Variants in TUBB1 observed in about 807,000 individuals in gnomAD.
TUBB1 encodes the protein tubulin beta 1 class VI.
A neutral mutation model predicts 22.6 loss-of-function variants in TUBB1; 28 were observed. The ratio of observed to expected loss-of-function variants is 1.24; its 90% CI spans 0.92 to 1.70. TUBB1 has a LOEUF of 1.70. Among genes scored for constraint, TUBB1 ranks in the 40% most tolerant of loss-of-function variants. The pLI is 0.00. For missense variants in TUBB1, 577 were observed against 605.5 expected (o/e 0.95, Z 0.49); for synonymous variants, 226 against 238.0 (o/e 0.95, Z 0.46).
At chr20:59,018,522 C>T (rs1568687887), upstream of TUBB1, among the ~76,000 whole-genome samples, 3 of 152,024 alleles carry the variant, frequency 2.0e-5, no homozygotes, top group Non-Finnish European at 4.4e-5. Flanking sequence ...ATTCTCCTGC[C>T]GCAGTCTCCC....
rs1417046885 is a variant in TUBB1, at chr20:59,024,123, C to T, written c.696C>T (p.Thr232=). ...ATCTCAACCACCTAGTGTCCTTGAC[C>T]ATGAGCGGCATAACCACCTCCCTCC... The part of the protein sequence containing the change: ...YGDLNHLVSL[T]MSGITTSLRF... The change falls in exon 4 of 4, where the codon ACC becomes ACT. Residue 232 remains threonine (T), a synonymous_variant. Coordinates refer to ENST00000217133, the MANE Select transcript of TUBB1 (RefSeq NM_030773.4). The surrounding 1 kb of genome is among the most constrained non-coding windows in gnomAD (Gnocchi z 4.9). The T allele has an allele frequency of 6.2e-7, 1 of 1,614,098 alleles. No homozygotes were observed. The highest frequency in any genetic ancestry group is 8.5e-7 in the Non-Finnish European group (1 of 1,180,044).
chr20:59,025,049 T>C lies in TUBB1; in HGVS notation c.*266T>C, dbSNP rs964282562. 6.1e-6 allele frequency: 3 copies of C among 494,880 alleles called. No individual in the cohort carries two copies. The highest frequency in any genetic ancestry group is 1.1e-5 in the Non-Finnish European group (3 of 270,866). 30.7% of individuals were successfully genotyped at this position (494,880 alleles called of 1,614,324 possible). On this transcript the variant is annotated 3_prime_UTR_variant, in exon 4 of 4. Coordinates refer to ENST00000217133, the MANE Select transcript of TUBB1 (RefSeq NM_030773.4). ...AAAAAATAGCAAATTTATTGTAAAG[T>C]GCTCCCTTTGTTTCAAAGTGTTTGC... is the stretch of plus-strand genomic sequence containing the variant.
Position 59,024,006 on chromosome 20 carries a change from T to A in TUBB1, c.579T>A (p.Ile193=). 6.2e-7 allele frequency: 1 copy of A among 1,614,190 alleles called. No homozygotes were observed. The highest frequency in any genetic ancestry group is 8.5e-7 in the Non-Finnish European group (1 of 1,180,052). ...YNAVLSIHQL[I]ENADACFCID... ...CGGTTCTGTCTATCCACCAGCTGATTGAGAATGCAGATGCCTGTTTCTGCA... is the reference window on the plus strand; with the variant it reads ...CGGTTCTGTCTATCCACCAGCTGATAGAGAATGCAGATGCCTGTTTCTGCA... Residue 193 remains isoleucine, a synonymous_variant, in exon 4 of 4, where the codon ATT becomes ATA. Transcript: ENST00000217133. The surrounding 1 kb of genome is among the most constrained non-coding windows in gnomAD (Gnocchi z 4.9).
chr20:59,020,586 G>A (rs753610804), intron 1 of TUBB1, among the ~76,000 whole-genome samples: 3 of 151,840 alleles, frequency 2.0e-5, no homozygotes, highest in African/African-American at 4.8e-5. Context: ...CTGTCACTAT[G>A]GTGTCTTTCC....
intron 1 of TUBB1, among the ~76,000 whole-genome samples, chr20:59,021,269 C>T (rs965714166): frequency 1.3e-5 from 2 of 152,166 alleles, no homozygotes; most frequent in Non-Finnish European, 2.9e-5. Flanking sequence ...ATCGTATGGT[C>T]TAGCGTTGAG....
Position 59,025,090 on chromosome 20 carries a change from C to T in TUBB1, c.*307C>T. The T allele has an allele frequency of 2.4e-6, 1 of 415,880 alleles. No homozygotes were observed. Among genetic ancestry groups the T allele is most frequent in the Non-Finnish European group, 4.5e-6 (1 of 221,258 alleles). The allele number at this position is 415,880 out of a possible 1,614,324, so 25.8% of individuals were successfully genotyped here. A position where few individuals can be genotyped will look rare whatever the true frequency, so the allele number is the denominator to read the frequency against. The stretch of plus-strand genomic sequence containing the variant: ...AAGTGTTTGCCAGGCATCCAGACTA[C>T]ACGTGTGGATTTGCAGGGAGCCACT... On this transcript the variant is annotated 3_prime_UTR_variant, in exon 4 of 4. Coordinates refer to ENST00000217133, the MANE Select transcript of TUBB1 (RefSeq NM_030773.4).
rs1228603665 is a variant in TUBB1, at chr20:59,023,982, G to A, written c.555G>A (p.Ala185=). 1.2e-6 allele frequency: 2 copies of A among 1,614,096 alleles called. No individual in the cohort carries two copies. The highest frequency in any genetic ancestry group is 1.7e-6 in the Non-Finnish European group (2 of 1,180,010). Residue 185 remains alanine, a synonymous_variant, in exon 4 of 4, where the codon GCG becomes GCA. Transcript: ENST00000217133. ...VSDTVVEPYN[A]VLSIHQLIEN... is the part of the protein sequence containing the mutation. Reference sequence around the variant, plus strand: ...ACACTGTGGTGGAGCCCTACAACGCGGTTCTGTCTATCCACCAGCTGATTG... The same window carrying A: ...ACACTGTGGTGGAGCCCTACAACGCAGTTCTGTCTATCCACCAGCTGATTG...
rs564020268 is a variant in TUBB1 at position 59,024,811 on chromosome 20, G to A, written c.*28G>A. On this transcript the variant is annotated 3_prime_UTR_variant, in exon 4 of 4. Transcript: ENST00000217133. This position sits in a 1 kb window ranked among gnomAD's most constrained non-coding sequence, Gnocchi z 4.9. ...GTGAGAGAAGCTGTGCCGCGGAGTC[G>A]CTTACAGAACAGTTTCTCATTAGAT... is the stretch of plus-strand genomic sequence containing the variant. 8.7e-6 allele frequency: 14 copies of A among 1,606,880 alleles called. No homozygotes were observed. The highest frequency in any genetic ancestry group is 1.7e-4 in the Middle Eastern group (1 of 6,022).
At chr20:59,022,996 G>A (rs766348347) in intron 2 of TUBB1, 43 bp downstream of exon 2, 6 of 1,539,814 alleles carry the variant, frequency 3.9e-6, no homozygotes, top group Admixed American at 1.7e-5. Context: ...CCGCAACTGG[G>A]AACACAAGCA....
chr20:59,017,856 T>C (rs1021992926), upstream of TUBB1, among the ~76,000 whole-genome samples: 1 of 152,200 alleles, frequency 6.6e-6, no homozygotes, highest in Non-Finnish European at 1.5e-5. Context: ...TCTGGCCACA[T>C]CTACCTCCTT....
In TUBB1 at chr20:59,024,272, G is replaced by A. The variant is rs746127844; in HGVS notation, c.845G>A (p.Arg282Gln). ...ACGGCCCAGGGCAGCCAGCAGTACC[G>A]AGCCCTCTCCGTGGCCGAGCTCACC... is the stretch of plus-strand genomic sequence containing the variant. ...PLTAQGSQQY[R>Q]ALSVAELTQQ... The change falls in exon 4 of 4, where the codon CGA becomes CAA. Residue 282 changes from arginine (R) to glutamine (Q), a missense_variant. Arg to Gln is a conservative substitution (Grantham distance 43, BLOSUM62 1). Transcript: ENST00000217133. This position sits in a 1 kb window ranked among gnomAD's most constrained non-coding sequence, Gnocchi z 4.9. 1.1e-5 allele frequency: 18 copies of A among 1,613,972 alleles called. No individual in the cohort carries two copies. Among genetic ancestry groups the A allele is most frequent in the Middle Eastern group, 1.6e-4 (1 of 6,062 alleles).
intron 1 of TUBB1, among the ~76,000 whole-genome samples, chr20:59,022,039 A>T (rs535646392): frequency 6.6e-6 from 1 of 152,160 alleles, no homozygotes; most frequent in East Asian, 1.9e-4. Context: ...ATAAAAAAAT[A>T]AAAAAAAGAA....
intron 1 of TUBB1, among the ~76,000 whole-genome samples, chr20:59,022,262 G>C (rs1001791263): frequency 2.7e-5 from 4 of 150,836 alleles, no homozygotes; most frequent in African/African-American, 9.8e-5. Flanking sequence ...TTGAACCCAG[G>C]AGGCGGAGGT....
chr20:59,023,817 G>C lies in TUBB1; in HGVS notation c.390G>C (p.Leu130=), dbSNP rs1282876520. 3 of 1,614,200 alleles carry C rather than the reference G, an allele frequency of 1.9e-6. No homozygotes were observed. Among genetic ancestry groups the C allele is most frequent in the Non-Finnish European group, 2.5e-6 (3 of 1,180,028 alleles). The change falls in exon 4 of 4, where the codon CTG becomes CTC. Residue 130 remains leucine, a synonymous_variant. Transcript: ENST00000217133. ...VRHESESCDC[L]QGFQIVHSLG... ...ACGAGAGTGAGAGCTGTGACTGCCT[G>C]CAGGGCTTCCAGATCGTCCACTCCC...
chr20:59,017,975 G>A (rs1601234820), upstream of TUBB1, among the ~76,000 whole-genome samples: 1 of 152,254 alleles, frequency 6.6e-6, no homozygotes, highest in Admixed American at 6.5e-5. Context: ...ACGTTAAAGA[G>A]AGGCCTCAAG....
intron 1 of TUBB1, among the ~76,000 whole-genome samples, chr20:59,019,809 G>C (rs144190129): frequency 2.6e-5 from 4 of 152,310 alleles, no homozygotes; most frequent in African/African-American, 9.6e-5. Flanking sequence ...TGCTTAGAGT[G>C]TTAATTTAAT....
At chr20:59,019,637 CA>C (rs1347425638) in intron 1 of TUBB1, 58 bp downstream of exon 1, 8 of 1,534,352 alleles carry the variant, frequency 5.2e-6, no homozygotes, top group Non-Finnish European at 7.2e-6. Flanking sequence ...GGCGGACAAC[CA>C]AAAAAATACC....
chr20:59,019,239 TC>T, upstream of TUBB1: 1 of 507,498 alleles, frequency 2.0e-6, no homozygotes, highest in African/African-American at 1.9e-5. Context: ...TTGCACTCAC[TC>T]TCTAGGAAAT....
In TUBB1 at chr20:59,023,022, C is replaced by T. The variant is rs889088218; in HGVS notation, c.166+69C>T. On this transcript the variant is annotated intron_variant, in intron 2 of 3. Transcript: ENST00000217133. Reference sequence around the variant, plus strand: ...AACACAAGCAGAGGAAGGGCAGAGGCCCAGGAGATGGAAATGTCAAAGCAG... The same window carrying T: ...AACACAAGCAGAGGAAGGGCAGAGGTCCAGGAGATGGAAATGTCAAAGCAG... The T allele has an allele frequency of 1.6e-5, 22 of 1,361,582 alleles. No individual in the cohort carries two copies. The South Asian group carries it at 2.5e-4, about 15-fold the overall frequency. 84.3% of individuals were successfully genotyped at this position (1,361,582 alleles called of 1,614,324 possible). A position where few individuals can be genotyped will look rare whatever the true frequency, so the allele number is the denominator to read the frequency against.
Sources: gnomAD v4.1 joint callset for allele counts (sites outside exome capture counted in the v4.1 genomes callset) on GRCh38, gnomAD v4.1.1 for gene constraint, Gnocchi (gnomAD v3.1) non-coding constraint, MANE v1.5 for transcripts, NCBI Gene and HGNC (gene_info 2026-07-23, HGNC 2026-07-21) for gene names.